DOK6: variants seen among roughly 807,000 people sequenced by gnomAD.
The protein encoded by DOK6 is downstream of tyrosine kinase 6.
Under a neutral mutation model 44.0 loss-of-function variants are expected in DOK6, and 22 were observed. That is an observed-to-expected ratio of 0.50 (90% CI 0.36 to 0.71). The LOEUF (loss-of-function observed/expected upper bound fraction) is 0.71. Among genes scored for constraint, DOK6 ranks in the 30% least tolerant of loss-of-function variants. DOK6 has a pLI of 0.00. For missense variants in DOK6, 340 were observed against 416.4 expected (o/e 0.82, Z 1.60); for synonymous variants, 166 against 145.5 (o/e 1.14, Z -1.01).
At chr18:69,564,363 T>A (rs927582942) in intron 1 of DOK6, 124 bp from the exon 2 acceptor site, 45 of 690,348 alleles carry the variant, frequency 6.5e-5, no homozygotes, top group Non-Finnish European at 1.0e-4. Flanking sequence ...ATTAAGAACA[T>A]GTTTGTCAAT....
At chr18:69,583,283 G>A (rs1273723984) in intron 2 of DOK6, among the ~76,000 whole-genome samples, 2 of 152,166 alleles carry the variant, frequency 1.3e-5, no homozygotes, top group African/African-American at 2.4e-5. Flanking sequence ...ACACACATTT[G>A]TAATTCTTAA....
intron 1 of DOK6, among the ~76,000 whole-genome samples, chr18:69,481,427 A>T (rs888811860): frequency 1.3e-5 from 2 of 151,774 alleles, no homozygotes. Flanking sequence ...CCTGTGTCCA[A>T]GTGTTCTCAT....
At chr18:69,640,096 T>G (rs927740538) in intron 3 of DOK6, among the ~76,000 whole-genome samples, 4 of 152,180 alleles carry the variant, frequency 2.6e-5, no homozygotes, top group Admixed American at 2.0e-4. Flanking sequence ...CAGGTTAACC[T>G]GCAGCACAGT....
At chr18:69,700,364 T>G (rs1318523795) in intron 5 of DOK6, among the ~76,000 whole-genome samples, 2 of 151,890 alleles carry the variant, frequency 1.3e-5, no homozygotes, top group Non-Finnish European at 2.9e-5. Flanking sequence ...CCTCTTTCTA[T>G]GGAAAACAAT....
At chr18:69,553,341 A>T (rs1452902089) in intron 1 of DOK6, among the ~76,000 whole-genome samples, 1 of 152,256 alleles carries the variant, frequency 6.6e-6, no homozygotes. Context: ...GAATAAAGAG[A>T]CATAAATCAT....
chr18:69,564,714 T>A, intron 2 of DOK6, 120 bp downstream of exon 2: 2 of 745,614 alleles, frequency 2.7e-6, no homozygotes, highest in Non-Finnish European at 4.2e-6. Context: ...AAAATGCCCT[T>A]TTCTGATAAA....
intron 7 of DOK6, among the ~76,000 whole-genome samples, chr18:69,776,053 A>T (rs969171033): frequency 6.6e-6 from 1 of 152,048 alleles, no homozygotes; most frequent in Admixed American, 6.6e-5. Flanking sequence ...TTAAATAACA[A>T]CCATTTCATG....
chr18:69,633,647 C>G (rs1387408642), intron 3 of DOK6, among the ~76,000 whole-genome samples: 1 of 152,086 alleles, frequency 6.6e-6, no homozygotes, highest in African/African-American at 2.4e-5. Flanking sequence ...CAAAGCAGAA[C>G]CTATCTAAAT....
At chr18:69,417,199 T>C (rs79364858) in intron 1 of DOK6, among the ~76,000 whole-genome samples, 7,893 of 152,180 alleles carry the variant, frequency 0.052, 284 homozygotes, top group Non-Finnish European at 0.076. Flanking sequence ...TGTATTTTTG[T>C]GCCCATTAAC....
At chr18:69,546,154 G>A (rs1982397723) in intron 1 of DOK6, among the ~76,000 whole-genome samples, 2 of 150,876 alleles carry the variant, frequency 1.3e-5, no homozygotes, top group South Asian at 2.1e-4. Flanking sequence ...GCGCATGCCT[G>A]TAATCCCAGC....
intron 3 of DOK6, among the ~76,000 whole-genome samples, chr18:69,652,506 T>A (rs1436663603): frequency 1.3e-5 from 2 of 151,578 alleles, no homozygotes; most frequent in Non-Finnish European, 2.9e-5. Context: ...GCTTGAGGAG[T>A]AGATGAGTTT....
intron 7 of DOK6, among the ~76,000 whole-genome samples, chr18:69,834,893 G>T (rs1981999592): frequency 6.6e-6 from 1 of 152,176 alleles, no homozygotes; most frequent in Non-Finnish European, 1.5e-5. Flanking sequence ...GTTTTGCATG[G>T]CTGGGGAGGC....
At chr18:69,482,861 C>A (rs936141991) in intron 1 of DOK6, among the ~76,000 whole-genome samples, 1 of 151,734 alleles carries the variant, frequency 6.6e-6, no homozygotes, top group Admixed American at 6.6e-5. Context: ...AAATGCTGTT[C>A]TTTTAAAAAT....
intron 7 of DOK6, among the ~76,000 whole-genome samples, chr18:69,792,068 A>G (rs1281462812): frequency 6.6e-6 from 1 of 151,982 alleles, no homozygotes; most frequent in Non-Finnish European, 1.5e-5. Context: ...CTGTAGATGT[A>G]TGAATTTATT....
intron 4 of DOK6, among the ~76,000 whole-genome samples, chr18:69,679,650 A>G (rs1425839746): frequency 6.6e-6 from 1 of 152,222 alleles, no homozygotes; most frequent in African/African-American, 2.4e-5. Flanking sequence ...TACTACATAA[A>G]GCAAATATGA....
intron 2 of DOK6, among the ~76,000 whole-genome samples, chr18:69,592,375 C>T (rs1020122450): frequency 6.6e-6 from 1 of 151,708 alleles, no homozygotes; most frequent in Non-Finnish European, 1.5e-5. Context: ...ATAGGGTTTA[C>T]TAGAGTTATT....
intron 1 of DOK6, among the ~76,000 whole-genome samples, chr18:69,410,767 G>A (rs1036807454): frequency 6.6e-6 from 1 of 152,090 alleles, no homozygotes; most frequent in Non-Finnish European, 1.5e-5. Flanking sequence ...AAGATACCAC[G>A]GCTATTTAAA....
intron 5 of DOK6, among the ~76,000 whole-genome samples, chr18:69,732,323 T>C (rs1471256626): frequency 6.6e-6 from 1 of 152,166 alleles, no homozygotes; most frequent in East Asian, 1.9e-4. Flanking sequence ...CTGTCAATCT[T>C]TTAAAATTTT....
intron 1 of DOK6, among the ~76,000 whole-genome samples, chr18:69,542,742 C>T (rs779319423): frequency 2.6e-5 from 4 of 151,382 alleles, no homozygotes; most frequent in Non-Finnish European, 5.9e-5. Flanking sequence ...CATTTGAAAT[C>T]AGTCATTCTT....
Sources: allele counts gnomAD v4.1 joint callset (sites outside exome capture counted in the v4.1 genomes callset), GRCh38; gene constraint gnomAD v4.1.1; transcripts MANE v1.5; gene names NCBI Gene and HGNC (gene_info 2026-07-23, HGNC 2026-07-21).